The following IPO11 variants were observed in gnomAD, a reference collection of about 807,000 sequenced individuals.
IPO11 encodes importin-11.
In IPO11, 66 loss-of-function variants were observed where a neutral mutation model predicts 143.2. The observed-to-expected ratio is 0.46, with a 90% CI of 0.38 to 0.57. IPO11 has a LOEUF of 0.57. Ranked by LOEUF, IPO11 falls within the 20% of genes least tolerant of loss-of-function variation. IPO11 has a pLI of 0.00. For synonymous variants in IPO11, 385 were observed against 377.8 expected (o/e 1.02, Z -0.22); for missense variants, 1,026 against 1,141.0 (o/e 0.90, Z 1.45).
chr5:62,425,351 G>C (rs152205), intron 1 of IPO11, among the ~76,000 whole-genome samples: 81,055 of 152,058 alleles, frequency 0.53, 21,784 homozygotes, highest in East Asian at 0.66. Flanking sequence ...GAGTTTTGCT[G>C]TTGTTGCCCA....
intron 28 of IPO11, among the ~76,000 whole-genome samples, chr5:62,598,273 C>A (rs1440609048): frequency 6.6e-6 from 1 of 151,900 alleles, no homozygotes; most frequent in Admixed American, 6.6e-5. Context: ...GATAACTGTA[C>A]AGATTCAGGG....
At chr5:62,592,749 T>C (rs991235133) in intron 28 of IPO11, among the ~76,000 whole-genome samples, 10 of 151,970 alleles carry the variant, frequency 6.6e-5, no homozygotes, top group African/African-American at 2.2e-4. Flanking sequence ...GGAGAAGTGC[T>C]GTGCAAAAGG....
chr5:62,422,176 G>A (rs1743537639), intron 1 of IPO11, among the ~76,000 whole-genome samples: 1 of 152,010 alleles, frequency 6.6e-6, no homozygotes, highest in South Asian at 2.1e-4. Context: ...GCCCAGGCTG[G>A]AGTGCAGTGA....
chr5:62,599,803 AG>A (rs1745433234), intron 28 of IPO11, among the ~76,000 whole-genome samples: 1 of 152,208 alleles, frequency 6.6e-6, no homozygotes, highest in African/African-American at 2.4e-5. Context: ...TACACACTTC[AG>A]TTTATTAGAA....
chr5:62,537,270 G>T lies in IPO11; in HGVS notation c.2231G>T (p.Gly744Val). 6.3e-7 allele frequency: 1 copy of T among 1,598,934 alleles called. No homozygotes were observed. The highest frequency in any genetic ancestry group is 2.2e-5 in the East Asian group (1 of 44,698). Residue 744 changes from glycine to valine, a missense_variant, in exon 24 of 30, where the codon GGT becomes GTT. Physicochemically the swap from Gly to Val is moderately radical, Grantham distance 109 (BLOSUM62 -3). This residue lies in a region of IPO11 where 351 missense variants were observed against 358.9 expected (regional missense o/e 0.98). Coordinates refer to ENST00000325324, the MANE Select transcript of IPO11 (RefSeq NM_016338.5). Reference sequence around the variant, plus strand: ...CTTTTAAAGGAAATTACTACAGAAGGTCAAGTTCAGGTGCTCAAGGTATTG... The same window carrying T: ...CTTTTAAAGGAAATTACTACAGAAGTTCAAGTTCAGGTGCTCAAGGTATTG... ...CELLKEITTE[G>V]QVQVLKVVEN...
At chr5:62,479,101 G>A (rs1167446862) in intron 9 of IPO11, among the ~76,000 whole-genome samples, 2 of 151,952 alleles carry the variant, frequency 1.3e-5, no homozygotes, top group African/African-American at 4.8e-5. Flanking sequence ...ACCACCCCAC[G>A]GCAGGCCCCG....
At chr5:62,588,827 C>T (rs1744902974) in intron 27 of IPO11, among the ~76,000 whole-genome samples, 1 of 152,196 alleles carries the variant, frequency 6.6e-6, no homozygotes, top group South Asian at 2.1e-4. Flanking sequence ...GGGCATTCAA[C>T]TGCAGTTGGA....
At chr5:62,517,134 C>CT (rs1484431569) in intron 20 of IPO11, among the ~76,000 whole-genome samples, 2 of 151,900 alleles carry the variant, frequency 1.3e-5, no homozygotes, top group Non-Finnish European at 2.9e-5. Context: ...GGAGGCAGAA[C>CT]TTGCAGTAAG....
At chr5:62,513,573 G>T (rs1183473405) in intron 19 of IPO11, among the ~76,000 whole-genome samples, 15 of 130,552 alleles carry the variant, frequency 1.1e-4, no homozygotes, top group South Asian at 2.6e-4. Flanking sequence ...GGACGGGGCG[G>T]CTGGCTGGGC....
At chr5:62,503,407 G>C (rs1446300640) in intron 16 of IPO11, among the ~76,000 whole-genome samples, 1 of 146,264 alleles carries the variant, frequency 6.8e-6, no homozygotes, top group African/African-American at 2.5e-5. Flanking sequence ...TATATTAATA[G>C]TATCTATTAA....
At chr5:62,535,682 G>A (rs909873499) in intron 22 of IPO11, among the ~76,000 whole-genome samples, 1 of 152,012 alleles carries the variant, frequency 6.6e-6, no homozygotes, top group African/African-American at 2.4e-5. Context: ...GACAGGGTAG[G>A]ATTGTCATTC....
chr5:62,627,290 A>C lies in IPO11; in HGVS notation c.2900A>C (p.Gln967Pro). ...ACAGTGGATACGGAGATTGTCACCC[A>C]GCTACAGGAGTTTTTGCAAGGATTC... ...METVDTEIVT[Q>P]LQEFLQGF Residue 967 changes from glutamine (Q) to proline (P), a missense_variant, in exon 30 of 30, where the codon CAG becomes CCG. This residue lies in a region of IPO11 where 351 missense variants were observed against 358.9 expected (regional missense o/e 0.98). Coordinates refer to ENST00000325324, the MANE Select transcript of IPO11 (RefSeq NM_016338.5). 6.2e-7 allele frequency: 1 copy of C among 1,613,838 alleles called. No homozygotes were observed. Among genetic ancestry groups the C allele is most frequent in the Non-Finnish European group, 8.5e-7 (1 of 1,179,824 alleles).
chr5:62,478,092 G>A (rs985605573), intron 9 of IPO11, among the ~76,000 whole-genome samples: 1 of 151,864 alleles, frequency 6.6e-6, no homozygotes, highest in Admixed American at 6.6e-5. Context: ...ATTTTAAATC[G>A]AATCCCAGAT....
intron 22 of IPO11, among the ~76,000 whole-genome samples, chr5:62,536,070 C>CT (rs1561352911): frequency 3.9e-5 from 6 of 152,094 alleles, no homozygotes; most frequent in Admixed American, 3.9e-4. Context: ...CTGATAAAAA[C>CT]TGAAAGATTG....
chr5:62,444,152 A>G (rs959920881), intron 3 of IPO11, among the ~76,000 whole-genome samples: 7 of 150,978 alleles, frequency 4.6e-5, no homozygotes, highest in East Asian at 2.0e-4. Flanking sequence ...CTGGAGTGCA[A>G]TGGCATGATC....
chr5:62,501,665 T>C (rs557435839), intron 16 of IPO11, among the ~76,000 whole-genome samples: 2 of 152,218 alleles, frequency 1.3e-5, no homozygotes, highest in African/African-American at 4.8e-5. Flanking sequence ...GATTGTATAA[T>C]TCAGTGTACT....
At chr5:62,485,273 A>G (rs529009488) in intron 11 of IPO11, 146 bp from the exon 12 acceptor site, 13 of 611,826 alleles carry the variant, frequency 2.1e-5, no homozygotes, top group Non-Finnish European at 3.2e-5. Context: ...TAGTAACAAA[A>G]TCTGTGTAAG....
At chr5:62,576,097 G>C (rs1168519979) in intron 27 of IPO11, 1 of 153,802 alleles carries the variant, frequency 6.5e-6, no homozygotes, top group African/African-American at 2.4e-5. Flanking sequence ...TTGCTGCCAG[G>C]AGTCACTTGT....
At chr5:62,450,218 A>T (rs1192739487) in intron 4 of IPO11, among the ~76,000 whole-genome samples, 1 of 152,172 alleles carries the variant, frequency 6.6e-6, no homozygotes, top group African/African-American at 2.4e-5. Flanking sequence ...ATTTTAAGGT[A>T]TATTTGTATG....
Sources: allele counts gnomAD v4.1 joint callset (sites outside exome capture counted in the v4.1 genomes callset), GRCh38; gene constraint gnomAD v4.1.1; regional missense constraint gnomAD v4.1.1; transcripts MANE v1.5; gene names NCBI Gene and HGNC (gene_info 2026-07-23, HGNC 2026-07-21).